The following CSAG1 variants were observed in gnomAD, a reference collection of about 807,000 sequenced individuals.
CSAG1 encodes chondrosarcoma-associated gene 1 protein.
Under a neutral mutation model 4.8 loss-of-function variants are expected in CSAG1, and 4 were observed. That is an observed-to-expected ratio of 0.83 (90% CI 0.41 to 1.90). The LOEUF is 1.90. Among genes scored for constraint, CSAG1 ranks in the 40% most tolerant of loss-of-function variants. CSAG1 has a pLI of 0.03. For synonymous variants in CSAG1, 21 were observed against 23.1 expected, an observed-to-expected ratio of 0.91 and a Z score of 0.26; for missense variants, 69 against 59.5, an observed-to-expected ratio of 1.16 and a Z score of -0.53.
Position 152,727,610 on chromosome X carries a change from T to G in CSAG1, c.*184A>C. On this transcript the variant is annotated 3_prime_UTR_variant, in exon 4 of 4. Coordinates refer to ENST00000452779, the MANE Select transcript of CSAG1 (RefSeq NM_001102576.3). ...CTTCTGGAGACTTTTCAGATAGACT[T>G]GAAGTCTCTGGCCTTGCCTGGGAAT... 3.7e-6 allele frequency: 2 copies of G among 545,095 alleles called. No individual in the cohort carries two copies. The highest frequency in any genetic ancestry group is 6.2e-6 in the Non-Finnish European group (2 of 320,682). The allele number at this position is 545,095 out of a possible 1,213,427, so 44.9% of individuals were successfully genotyped here.
At chrX:152,729,345 T>C (rs1932101670) in intron 2 of CSAG1, among the ~76,000 whole-genome samples, 1 of 112,071 alleles carries the variant, frequency 8.9e-6, no homozygotes, top group Admixed American at 9.4e-5. Context: ...AAAAGCATGA[T>C]CAAGGAAAGA....
At chrX:152,730,968 T>C (rs1464625328) in intron 2 of CSAG1, among the ~76,000 whole-genome samples, 4 of 112,792 alleles carry the variant, frequency 3.5e-5, no homozygotes, top group Admixed American at 1.9e-4. Flanking sequence ...GTTTGTAAAA[T>C]AGTTGAACAT....
At chrX:152,730,141 TAAAGAAACGAGTCTAG>T (rs1287843687) in intron 2 of CSAG1, among the ~76,000 whole-genome samples, 1 of 108,841 alleles carries the variant, frequency 9.2e-6, no homozygotes, top group Non-Finnish European at 1.9e-5. Context: ...TAAACGAGTC[TAAAGAAACGAGTCTAG>T]AAAGAAACGA....
intron 2 of CSAG1, among the ~76,000 whole-genome samples, chrX:152,730,682 G>A (rs1932138253): frequency 8.9e-6 from 1 of 112,307 alleles, no homozygotes; most frequent in African/African-American, 3.2e-5. Flanking sequence ...TTTTGTTATG[G>A]AAGCCCAAAC....
chrX:152,727,570 T>A lies in CSAG1; in HGVS notation c.*224A>T. The A allele has an allele frequency of 2.2e-6, 1 of 463,592 alleles. No individual in the cohort carries two copies. The highest frequency in any genetic ancestry group is 2.4e-5 in the African/African-American group (1 of 41,377). 38.2% of individuals were successfully genotyped at this position (463,592 alleles called of 1,213,427 possible). A position where few individuals can be genotyped will look rare whatever the true frequency, so the allele number is the denominator to read the frequency against. On this transcript the variant is annotated 3_prime_UTR_variant, in exon 4 of 4. Transcript: ENST00000452779. ...ACGTACTCTACACCCTGTTGGCTAT[T>A]TATCTGGGGTTAGACTTCTGGAGAC...
chrX:152,733,062 A>G (rs1371008244), intron 1 of CSAG1: 2 of 112,560 alleles, frequency 1.8e-5, no homozygotes, highest in African/African-American at 6.5e-5. Context: ...TATTTCTTCA[A>G]TTCAGTGAAT....
chrX:152,729,992 T>TATATATATATATATATATA (rs1932120254), intron 2 of CSAG1, among the ~76,000 whole-genome samples: 1 of 64,646 alleles, frequency 1.5e-5, no homozygotes, highest in East Asian at 5.9e-4. Context: ...GGTGAATGGA[T>TATATATATATATATATATA]TATATATATA....
At chrX:152,731,406 AT>A (rs1241767214) in intron 2 of CSAG1, among the ~76,000 whole-genome samples, 1 of 112,600 alleles carries the variant, frequency 8.9e-6, no homozygotes, top group East Asian at 2.7e-4. Flanking sequence ...AAACTGTACA[AT>A]ATTCAAAGCT....
At chrX:152,732,147 G>T (rs1443482421) in intron 2 of CSAG1, among the ~76,000 whole-genome samples, 1 of 112,419 alleles carries the variant, frequency 8.9e-6, no homozygotes, top group African/African-American at 3.2e-5. Context: ...TTCAGAATGA[G>T]GTGTGCAACA....
chrX:152,732,114 T>C (rs1382072529), intron 2 of CSAG1, among the ~76,000 whole-genome samples: 1 of 112,462 alleles, frequency 8.9e-6, no homozygotes, highest in Non-Finnish European at 1.9e-5. Context: ...AAAAGGCATG[T>C]GGAATATTCA....
In CSAG1 at chrX:152,728,205, A is replaced by G; in HGVS notation, c.36T>C (p.Thr12=). ...SATTACWPAF[T]VLGEARGDQV... is the part of the protein sequence containing the mutation. ...GGTCTCCCCGAGCTTCCCCCAGGAC[A>G]GTGAAGGCAGGCCAGCAGGCTAGAA... Residue 12 remains threonine (T), a synonymous_variant, in exon 3 of 4, where the codon ACT becomes ACC. Coordinates refer to ENST00000452779, the MANE Select transcript of CSAG1 (RefSeq NM_001102576.3). 8.3e-7 allele frequency: 1 copy of G among 1,210,957 alleles called. No individual in the cohort carries two copies. Among genetic ancestry groups the G allele is most frequent in the Non-Finnish European group, 1.1e-6 (1 of 894,683 alleles).
At chrX:152,731,264 CG>C (rs1158714177) in intron 2 of CSAG1, among the ~76,000 whole-genome samples, 1 of 111,887 alleles carries the variant, frequency 8.9e-6, no homozygotes, top group Admixed American at 9.5e-5. Flanking sequence ...CCTAATAAAA[CG>C]TTTTTTATCA....
rs782577331 is a variant in CSAG1, at chrX:152,730,149, C to T, written c.17-1925G>A. On this transcript the variant is annotated intron_variant, in intron 2 of 3. Coordinates refer to ENST00000452779, the MANE Select transcript of CSAG1 (RefSeq NM_001102576.3). ...ATTATGCTAAACGAGTCTAAAGAAA[C>T]GAGTCTAGAAAGAAACGAGTCTAAA... is the stretch of plus-strand genomic sequence containing the variant. Among the ~76,000 whole-genome samples the T allele has an allele frequency of 5.5e-5, 6 of 108,466 alleles. No individual in the cohort carries two copies. In the East Asian group the frequency reaches 1.7e-3, roughly 31 times the overall value. The allele number at this position is 108,466 out of a possible 115,157, so 94.2% of individuals were successfully genotyped here.
chrX:152,733,016 G>A (rs781965983), intron 1 of CSAG1: 4 of 113,538 alleles, frequency 3.5e-5, no homozygotes, highest in Non-Finnish European at 5.5e-5. Flanking sequence ...TATATATATC[G>A]CTACCTACAT....
chrX:152,730,495 A>G (rs1932134678), intron 2 of CSAG1, among the ~76,000 whole-genome samples: 1 of 111,689 alleles, frequency 9.0e-6, no homozygotes, highest in South Asian at 3.8e-4. Flanking sequence ...TAGTCCCCAC[A>G]GAGATCCCTT....
intron 2 of CSAG1, 121 bp downstream of exon 2, chrX:152,732,324 T>C: frequency 2.1e-6 from 2 of 939,203 alleles, no homozygotes; most frequent in Non-Finnish European, 2.8e-6. Flanking sequence ...CGAAGTATAC[T>C]GACATATTCA....
intron 1 of CSAG1, among the ~76,000 whole-genome samples, chrX:152,732,830 A>G (rs1932190445): frequency 8.9e-6 from 1 of 112,023 alleles, no homozygotes; most frequent in Non-Finnish European, 1.9e-5. Flanking sequence ...TGGGTTTGTT[A>G]AGGCAGCATG....
intron 1 of CSAG1, among the ~76,000 whole-genome samples, 200 bp downstream of exon 1, chrX:152,733,468 G>C (rs1174449862): frequency 2.7e-5 from 3 of 111,308 alleles, no homozygotes; most frequent in Non-Finnish European, 5.7e-5. Context: ...GGGACTCAGA[G>C]TCAGAGACTT....
At chrX:152,728,028 T>C (rs1932057162) in intron 3 of CSAG1, 46 bp downstream of exon 3, 1 of 1,211,274 alleles carries the variant, frequency 8.3e-7, no homozygotes. Flanking sequence ...TTCACTTTGA[T>C]AGGGCTTCTG....
Sources: gnomAD v4.1 joint callset for allele counts (sites outside exome capture counted in the v4.1 genomes callset) on GRCh38, gnomAD v4.1.1 for gene constraint, MANE v1.5 for transcripts, NCBI Gene and HGNC (gene_info 2026-07-23, HGNC 2026-07-21) for gene names.